SHOX: variants seen among roughly 807,000 people sequenced by gnomAD.
The protein encoded by SHOX is short stature homeobox protein.
Under a neutral mutation model 29.6 loss-of-function variants are expected in SHOX, and 12 were observed. The observed-to-expected ratio is 0.41, with a 90% CI of 0.26 to 0.66. The LOEUF (loss-of-function observed/expected upper bound fraction) is 0.66. Among genes scored for constraint, SHOX ranks in the 30% least tolerant of loss-of-function variants. The probability of loss-of-function intolerance (pLI) is 0.35; values close to 1 mark genes in which losing one functional copy is unlikely to be tolerated. For missense variants in SHOX, 499 were observed against 437.7 expected, an observed-to-expected ratio of 1.14 and a Z score of -1.25; for synonymous variants, 214 against 200.6, an observed-to-expected ratio of 1.07 and a Z score of -0.57.
chrX:636,961 TATATATATA>T (rs2052770914), intron 2 of SHOX, among the ~76,000 whole-genome samples: 1 of 143,112 alleles, frequency 7.0e-6, no homozygotes, highest in Non-Finnish European at 1.5e-5. Context: ...TATATATATA[TATATATATA>T]TTTTGGCTCC....
rs1392172134 is a variant in SHOX at position 625,205 on chromosome X, TCC to T, written c.-433+604_-433+605del. Among the ~76,000 whole-genome samples the T allele has an allele frequency of 1.4e-4, 12 of 82,778 alleles. 1 individual carries two copies. The highest frequency in any genetic ancestry group is 1.4e-3 in the East Asian group (3 of 2,142). The allele number at this position is 82,778 out of a possible 152,430, so 54.3% of individuals were successfully genotyped here. ...TCATCGTCCCTCCTCCTCCTCCTTC[TCC>T]TCCTCCTCCTCCTCCTTCTCCCTCC... On this transcript the variant is annotated intron_variant, in intron 1 of 5. Transcript: ENST00000334060.
chrX:634,716 C>T lies in SHOX; in HGVS notation c.376C>T (p.Leu126=). ...KQRRSRTNFT[L]EQLNELERLF... ...GAGGCGCAGCCGCACCAACTTCACGCTGGAGCAGCTGAACGAGCTCGAGCG... is the reference window on the plus strand; with the variant it reads ...GAGGCGCAGCCGCACCAACTTCACGTTGGAGCAGCTGAACGAGCTCGAGCG... The change falls in exon 2 of 5, where the codon CTG becomes TTG. Residue 126 remains leucine (L), a synonymous_variant. Coordinates refer to ENST00000686671, the MANE Select transcript of SHOX (RefSeq NM_000451.4). The T allele has an allele frequency of 6.2e-7, 1 of 1,613,702 alleles. No homozygotes were observed. The highest frequency in any genetic ancestry group is 8.5e-7 in the Non-Finnish European group (1 of 1,179,828).
intron 1 of SHOX, among the ~76,000 whole-genome samples, chrX:632,803 G>C (rs1290783898): frequency 6.6e-6 from 1 of 152,214 alleles, no homozygotes; most frequent in Non-Finnish European, 1.5e-5. Flanking sequence ...TACACAGAGA[G>C]TTGGCCTTCC....
At chrX:640,930 G>A in intron 3 of SHOX, 52 bp downstream of exon 3, 2 of 1,613,326 alleles carry the variant, frequency 1.2e-6, no homozygotes, top group Middle Eastern at 3.3e-4. Context: ...GCTCCAGGAG[G>A]GATGGGGTCG....
rs1463836422 is a variant in SHOX at position 650,726 on chromosome X, C to T, written c.*6090C>T. 6.9e-6 allele frequency among the ~76,000 whole-genome samples: 1 copy of T among 145,320 alleles called. No individual in the cohort carries two copies. Among genetic ancestry groups the T allele is most frequent in the African/African-American group, 2.6e-5 (1 of 39,092 alleles). ...ATTTCGGAGGCACTTTGCTGGAAGC[C>T]GCTTGTCTCCTCCAGCTTTGGGAGG... On this transcript the variant is annotated 3_prime_UTR_variant, in exon 5 of 5. Transcript: ENST00000686671.
chrX:635,134 C>G lies in SHOX; in HGVS notation c.486+308C>G, dbSNP rs186000554. The stretch of plus-strand genomic sequence containing the variant: ...GTATATATTATAGATATTTGTTCGT[C>G]CTTGGTGCAAAGACACCCGGTGAAC... On this transcript the variant is annotated intron_variant, in intron 2 of 4. Transcript: ENST00000686671. 7.2e-5 allele frequency among the ~76,000 whole-genome samples: 11 copies of G among 152,106 alleles called. No homozygotes were observed. In the East Asian group the frequency reaches 2.1e-3, roughly 29 times the overall value.
intron 1 of SHOX, among the ~76,000 whole-genome samples, chrX:631,394 G>T (rs1395828609): frequency 6.6e-6 from 1 of 152,204 alleles, no homozygotes; most frequent in Non-Finnish European, 1.5e-5. Flanking sequence ...GGGGGACCCA[G>T]GGAGGGTCGC....
rs764201902 is a variant in SHOX, at chrX:650,215, C to G, written c.*5579C>G. 2.3e-4 allele frequency among the ~76,000 whole-genome samples: 35 copies of G among 152,294 alleles called. 2 individuals are homozygous for G. The South Asian group carries it at 3.7e-3, about 16-fold the overall frequency. ...CGATTTAGAGCGTAACTGACCGCGT[C>G]CAACACCCGTTTTTCCACTTACAAA... On this transcript the variant is annotated 3_prime_UTR_variant, in exon 5 of 5. Coordinates refer to ENST00000686671, the MANE Select transcript of SHOX (RefSeq NM_000451.4).
Position 644,808 on chromosome X carries a change from C to G in SHOX, c.*172C>G, listed in dbSNP as rs1482495722. The G allele has an allele frequency of 1.2e-5, 10 of 867,154 alleles. No individual in the cohort carries two copies. The highest frequency in any genetic ancestry group is 1.8e-5 in the African/African-American group (1 of 55,854). The allele number at this position is 867,154 out of a possible 1,614,324, so 53.7% of individuals were successfully genotyped here. On this transcript the variant is annotated 3_prime_UTR_variant, in exon 5 of 5. Transcript: ENST00000686671. ...AGGGAGGCTCCCGGGACCGTCCACGCACGACCCAGCCAGACCCTCGCGGAG... is the reference window on the plus strand; with the variant it reads ...AGGGAGGCTCCCGGGACCGTCCACGGACGACCCAGCCAGACCCTCGCGGAG...
chrX:630,490 C>CG (rs1450142164), upstream of SHOX: 7 of 284,634 alleles, frequency 2.5e-5, no homozygotes, highest in Admixed American at 3.4e-4. Flanking sequence ...GCTTTTCCTC[C>CG]GGCCACGGAG....
At chrX:652,045 C>G (rs1426554682), downstream of SHOX, among the ~76,000 whole-genome samples, 3 of 152,086 alleles carry the variant, frequency 2.0e-5, no homozygotes, top group Non-Finnish European at 4.4e-5. Context: ...GCCTCAGCCT[C>G]CCGAGTAGCT....
In SHOX at chrX:650,287, T is replaced by G. The variant is rs1335005654; in HGVS notation, c.*5651T>G. 6.6e-6 allele frequency among the ~76,000 whole-genome samples: 1 copy of G among 152,130 alleles called. No homozygotes were observed. Among genetic ancestry groups the G allele is most frequent in the Admixed American group, 6.5e-5 (1 of 15,272 alleles). On this transcript the variant is annotated 3_prime_UTR_variant, in exon 5 of 5. Coordinates refer to ENST00000686671, the MANE Select transcript of SHOX (RefSeq NM_000451.4). ...GTGTCTCCCGTACGGGAAGGAGGCC[T>G]TTGGGCCGCTCCAAAGACGCCCTGT... is the stretch of plus-strand genomic sequence containing the variant.
rs1219745724 is a variant in SHOX at position 650,967 on chromosome X, C to T, written c.*6331C>T. Among the ~76,000 whole-genome samples the T allele has an allele frequency of 5.3e-5, 8 of 152,052 alleles. No homozygotes were observed. The highest frequency in any genetic ancestry group is 3.3e-4 in the Admixed American group (5 of 15,252). On this transcript the variant is annotated 3_prime_UTR_variant, in exon 5 of 5. Coordinates refer to ENST00000686671, the MANE Select transcript of SHOX (RefSeq NM_000451.4). Reference sequence around the variant, plus strand: ...CGGTTAAGGAATGTAGACAATATCCCGTTTCAAAGCTATGAAATGTGCTAT... The same window carrying T: ...CGGTTAAGGAATGTAGACAATATCCTGTTTCAAAGCTATGAAATGTGCTAT...
Position 644,699 on chromosome X carries a change from C to G in SHOX, c.*63C>G. 4 of 1,361,838 alleles carry G rather than the reference C, an allele frequency of 2.9e-6. No individual in the cohort carries two copies. Among genetic ancestry groups the G allele is most frequent in the South Asian group, 3.6e-5 (2 of 56,330 alleles). The allele number at this position is 1,361,838 out of a possible 1,614,324, so 84.4% of individuals were successfully genotyped here. On this transcript the variant is annotated 3_prime_UTR_variant, in exon 5 of 5. Transcript: ENST00000686671. ...CTCCGCGCACCCCGCCTGCACCGCG[C>G]GTCCTGCACTCAACCCCGCCTGGAG...
At chrX:636,876 T>C (rs1230379501) in intron 2 of SHOX, among the ~76,000 whole-genome samples, 5 of 145,630 alleles carry the variant, frequency 3.4e-5, no homozygotes, top group Middle Eastern at 3.6e-3. Context: ...AACTTTTCCA[T>C]CGATGTTGCT....
intron 2 of SHOX, among the ~76,000 whole-genome samples, chrX:640,614 C>A (rs1469136066): frequency 6.6e-6 from 1 of 151,954 alleles, no homozygotes; most frequent in African/African-American, 2.4e-5. Context: ...ACAAAAAATC[C>A]AAAAAAACCC....
chrX:630,780 A>G (rs1325479461), upstream of SHOX: 8 of 1,276,102 alleles, frequency 6.3e-6, no homozygotes, highest in Non-Finnish European at 9.0e-6. Flanking sequence ...TGAGATTTCC[A>G]ATGGAAAGGC....
upstream of SHOX, among the ~76,000 whole-genome samples, chrX:629,739 C>G (rs1157020751): frequency 3.3e-5 from 5 of 152,102 alleles, no homozygotes; most frequent in Non-Finnish European, 4.4e-5. Context: ...AGGAAGGGGA[C>G]TCCGGGCCTC....
chrX:627,806 T>G (rs2052565336), upstream of SHOX, among the ~76,000 whole-genome samples: 1 of 152,094 alleles, frequency 6.6e-6, no homozygotes, highest in African/African-American at 2.4e-5. Flanking sequence ...AGCCTGGGCC[T>G]CACGGGACCC....
Sources: allele counts gnomAD v4.1 joint callset (sites outside exome capture counted in the v4.1 genomes callset), GRCh38; gene constraint gnomAD v4.1.1; transcripts MANE v1.5; gene names NCBI Gene and HGNC (gene_info 2026-07-23, HGNC 2026-07-21).